The following TNRC6C variants were observed in gnomAD, a reference collection of about 807,000 sequenced individuals.
TNRC6C encodes the protein trinucleotide repeat-containing gene 6C protein.
In TNRC6C, 20 loss-of-function variants were observed where a neutral mutation model predicts 153.7. The observed-to-expected ratio is 0.13, with a 90% CI of 0.09 to 0.19. The LOEUF (loss-of-function observed/expected upper bound fraction) is 0.19. Ranked by LOEUF, TNRC6C falls within the 10% of genes least tolerant of loss-of-function variation. The pLI is 1.00. For synonymous variants in TNRC6C, 811 were observed against 841.4 expected (o/e 0.96, Z 0.63); for missense variants, 1,987 against 2,172.0 (o/e 0.91, Z 1.69).
At chr17:78,067,731 T>C (rs1165844489) in intron 4 of TNRC6C, 26 bp from the exon 7 acceptor site, 1 of 1,572,776 alleles carries the variant, frequency 6.4e-7, no homozygotes, top group Non-Finnish European at 8.6e-7. Context: ...ATGAATTTGA[T>C]AAGTTCATGT....
intron 17 of TNRC6C, among the ~76,000 whole-genome samples, chr17:78,100,423 G>A (rs1228397147): frequency 6.6e-6 from 1 of 152,236 alleles, no homozygotes; most frequent in Non-Finnish European, 1.5e-5. Context: ...TGTGCACCCA[G>A]AGTCTCAACA....
At chr17:78,063,055 G>T (rs909610761) in intron 3 of TNRC6C, among the ~76,000 whole-genome samples, 8 of 151,914 alleles carry the variant, frequency 5.3e-5, no homozygotes, top group Non-Finnish European at 1.2e-4. Context: ...AGACCAGCCT[G>T]GCCAACATGG....
At chr17:78,023,331 T>TA (rs528360226) in intron 1 of TNRC6C, among the ~76,000 whole-genome samples, 30 of 152,326 alleles carry the variant, frequency 2.0e-4, no homozygotes, top group African/African-American at 7.2e-4. Context: ...GTCAGTTATT[T>TA]ACAAAAGAGA....
At chr17:78,031,790 A>G in exon 2 of TNRC6C, 1 of 1,232,108 alleles carries the variant, frequency 8.1e-7, no homozygotes. Flanking sequence ...GGGTAAGCCC[A>G]CCTCCCCTAC....
chr17:78,077,073 G>T (rs1203733618), intron 8 of TNRC6C, 112 bp from the exon 11 acceptor site: 29 of 1,225,408 alleles, frequency 2.4e-5, no homozygotes, highest in African/African-American at 3.1e-5. Context: ...ACACTTTTTT[G>T]ATCTGTTAAT....
Position 78,050,191 on chromosome 17 carries a change from C to T in TNRC6C, c.1129C>T (p.Pro377Ser), listed in dbSNP as rs139060581. 10 of 1,546,940 alleles carry T rather than the reference C, an allele frequency of 6.5e-6. No homozygotes were observed. The African/African-American group carries it at 6.9e-5, about 11-fold the overall frequency. ...CACCAGCCAGAACCCTACCGTACAG[C>T]CTGGTGGTGAACACATGAACTCCTG... is the stretch of plus-strand genomic sequence containing the variant. The change falls in exon 3 of 20, where the codon CCT becomes TCT. Residue 377 changes from proline to serine, a missense_variant. Physicochemically the swap from Pro to Ser is moderately conservative, Grantham distance 74. Around this residue, in one of 4 missense-constraint regions of TNRC6C, gnomAD observed 1,052 missense variants for 1,017.0 expected, o/e 1.03. Transcript: ENST00000301624.
chr17:78,105,113 AT>A (rs57885030), exon 20 of TNRC6C: 44,327 of 290,682 alleles, frequency 0.15, 188 homozygotes, highest in Middle Eastern at 0.19. Context: ...TGTCATTTTG[AT>A]TTTTTTTTTT....
intron 1 of TNRC6C, among the ~76,000 whole-genome samples, chr17:77,969,275 C>T (rs1246455583): frequency 6.6e-6 from 1 of 150,730 alleles, no homozygotes; most frequent in African/African-American, 2.4e-5. Flanking sequence ...TTTTTTGAGG[C>T]AGAGTCTCGC....
chr17:78,103,292 C>A, intron 18 of TNRC6C, 122 bp from the exon 22 acceptor site: 1 of 1,164,840 alleles, frequency 8.6e-7, no homozygotes, highest in Non-Finnish European at 1.2e-6. Flanking sequence ...TATTATTAGG[C>A]CTTTTAAAGA....
chr17:78,011,603 T>G (rs2071632591), intron 1 of TNRC6C, among the ~76,000 whole-genome samples: 1 of 152,224 alleles, frequency 6.6e-6, no homozygotes, highest in Admixed American at 6.5e-5. Flanking sequence ...GACATCTGCG[T>G]TTTTCCAGTT....
intron 1 of TNRC6C, among the ~76,000 whole-genome samples, chr17:78,015,030 C>T (rs2071702410): frequency 6.6e-6 from 1 of 152,082 alleles, no homozygotes; most frequent in Non-Finnish European, 1.5e-5. Flanking sequence ...TATGTTGGCA[C>T]AAGAGAATAG....
exon 2 of TNRC6C, chr17:78,031,670 G>T: frequency 8.1e-7 from 1 of 1,232,448 alleles, no homozygotes; most frequent in East Asian, 3.2e-5. Context: ...CTCGTGAGGT[G>T]CCTCCACGCT....
chr17:77,990,201 ATCTAAACTACCAAG>A lies in TNRC6C; in HGVS notation c.-37-13960_-37-13947del, dbSNP rs1598655360. Among the ~76,000 whole-genome samples, 3 of 152,248 alleles carry A rather than the reference ATCTAAACTACCAAG, an allele frequency of 2.0e-5. No homozygotes were observed. The East Asian group carries it at 5.8e-4, about 29-fold the overall frequency. ...GTTCAAGCCTGCTTTGCATCCCCAG[ATCTAAACTACCAAG>A]TCTAAACTCTTATATTGACTGCAGT... is the stretch of plus-strand genomic sequence containing the variant. On this transcript the variant is annotated intron_variant, in intron 1 of 22. Transcript: ENST00000636222.
chr17:78,023,760 C>T (rs189050189), intron 1 of TNRC6C, among the ~76,000 whole-genome samples: 1 of 151,474 alleles, frequency 6.6e-6, no homozygotes, highest in Admixed American at 6.6e-5. Flanking sequence ...GAGCTGTGAT[C>T]ATGCCACTAC....
At chr17:77,981,973 G>C (rs1208238252) in intron 1 of TNRC6C, among the ~76,000 whole-genome samples, 4 of 152,192 alleles carry the variant, frequency 2.6e-5, no homozygotes, top group Non-Finnish European at 5.9e-5. Flanking sequence ...CAGCGTGATG[G>C]TGTTAGGAGG....
At chr17:78,047,026 C>T (rs758503600) in intron 2 of TNRC6C, among the ~76,000 whole-genome samples, 1 of 151,674 alleles carries the variant, frequency 6.6e-6, no homozygotes, top group Admixed American at 6.6e-5. Flanking sequence ...ATTGGTCAGC[C>T]AGGTTGTTAA....
intron 10 of TNRC6C, among the ~76,000 whole-genome samples, chr17:78,080,968 C>T (rs546552284): frequency 7.9e-5 from 12 of 152,126 alleles, no homozygotes; most frequent in African/African-American, 2.7e-4. Context: ...TGTCTTAGTC[C>T]ATTTGGGCTG....
At chr17:78,004,205 T>G, upstream of TNRC6C, 1 of 1,231,608 alleles carries the variant, frequency 8.1e-7, no homozygotes, top group Middle Eastern at 3.1e-4. Context: ...GAGGAACGTT[T>G]GATGGAAGAA....
chr17:78,006,846 A>G (rs1433954440), intron 1 of TNRC6C, among the ~76,000 whole-genome samples: 2 of 138,986 alleles, frequency 1.4e-5, no homozygotes, highest in African/African-American at 2.6e-5. Context: ...TTTTTTTGAG[A>G]TGGAGTCTTG....
Sources: gnomAD v4.1 joint callset for allele counts (sites outside exome capture counted in the v4.1 genomes callset) on GRCh38, gnomAD v4.1.1 for gene constraint, gnomAD v4.1.1 regional missense constraint, MANE v1.5 for transcripts, NCBI Gene and HGNC (gene_info 2026-07-23, HGNC 2026-07-21) for gene names.